The following JPH3 variants were observed in gnomAD, a reference collection of about 807,000 sequenced individuals.
The protein encoded by JPH3 is junctophilin 3.
A neutral mutation model predicts 59.6 loss-of-function variants in JPH3; 11 were observed. The observed-to-expected ratio is 0.18, with a 90% CI of 0.12 to 0.31. The LOEUF is 0.31. Among genes scored for constraint, JPH3 ranks in the 10% least tolerant of loss-of-function variants. The pLI, the probability that JPH3 is intolerant of heterozygous loss-of-function variation, is 1.00. For missense variants in JPH3, 1,202 were observed against 1,105.7 expected (o/e 1.09, Z -1.24); for synonymous variants, 673 against 483.6 (o/e 1.39, Z -5.14).
At chr16:87,602,237 C>CGGAGGG (rs1337236658), upstream of JPH3, 1 of 147,752 alleles carries the variant, frequency 6.8e-6, no homozygotes, top group East Asian at 2.1e-4. Flanking sequence ...ATCCCACTCC[C>CGGAGGG]GGAGGGGGCG....
At chr16:87,656,817 T>G (rs769854057) in intron 2 of JPH3, among the ~76,000 whole-genome samples, 1 of 152,184 alleles carries the variant, frequency 6.6e-6, no homozygotes, top group Non-Finnish European at 1.5e-5. Flanking sequence ...GTGGCAGAAA[T>G]GCATTTTCTC....
intron 1 of JPH3, chr16:87,604,760 T>A: frequency 1.3e-6 from 1 of 789,888 alleles, no homozygotes; most frequent in Non-Finnish European, 1.7e-6. Flanking sequence ...CTTATGCAAC[T>A]GAAAAGCAGG....
chr16:87,684,115 C>A (rs767322782), intron 2 of JPH3, 27 bp from the exon 3 acceptor site: 14 of 1,599,304 alleles, frequency 8.8e-6, no homozygotes, highest in African/African-American at 4.0e-5. Flanking sequence ...CCCTGCCCCC[C>A]CTCACGCTCC....
chr16:87,660,070 C>T (rs554045010), intron 2 of JPH3, among the ~76,000 whole-genome samples: 15 of 152,086 alleles, frequency 9.9e-5, no homozygotes, highest in Middle Eastern at 3.2e-3. Flanking sequence ...CCTGGAAACC[C>T]TGGGAAAGCA....
chr16:87,645,901 A>G (rs143185480), intron 2 of JPH3, among the ~76,000 whole-genome samples: 258 of 152,296 alleles, frequency 1.7e-3, no homozygotes, highest in Middle Eastern at 6.8e-3. Context: ...TTCTAAAGTA[A>G]CTGAGGTTAC....
At chr16:87,690,788 C>T (rs977271344) in intron 4 of JPH3, among the ~76,000 whole-genome samples, 15 of 152,182 alleles carry the variant, frequency 9.9e-5, no homozygotes, top group African/African-American at 3.6e-4. Flanking sequence ...CTCCTGGTTT[C>T]CAGGCAGCAT....
intron 2 of JPH3, among the ~76,000 whole-genome samples, chr16:87,658,879 C>A (rs947910904): frequency 6.6e-6 from 1 of 152,246 alleles, no homozygotes; most frequent in African/African-American, 2.4e-5. Context: ...CCTCTCCAAA[C>A]CCAGCCATCC....
At chr16:87,665,694 G>A (rs981996059) in intron 2 of JPH3, among the ~76,000 whole-genome samples, 2 of 152,222 alleles carry the variant, frequency 1.3e-5, no homozygotes, top group East Asian at 1.9e-4. Flanking sequence ...CAACAACCAC[G>A]GCTCAGCATG....
intron 4 of JPH3, chr16:87,694,147 A>G (rs1308876593): frequency 6.5e-6 from 1 of 152,760 alleles, no homozygotes; most frequent in Non-Finnish European, 1.5e-5. Flanking sequence ...TGTGGGCAGA[A>G]CTGGACCAGG....
intron 1 of JPH3, among the ~76,000 whole-genome samples, chr16:87,643,080 C>T (rs1275761451): frequency 1.2e-4 from 19 of 152,278 alleles, no homozygotes; most frequent in Admixed American, 3.3e-4. Context: ...GCACCCACCG[C>T]GCTTTCTGCA....
At chr16:87,642,128 T>A (rs1190577334) in intron 1 of JPH3, among the ~76,000 whole-genome samples, 1 of 151,024 alleles carries the variant, frequency 6.6e-6, no homozygotes, top group Admixed American at 6.6e-5. Flanking sequence ...TGGCGGGGTG[T>A]GGGGATACCC....
At chr16:87,676,856 C>T (rs927980277) in intron 2 of JPH3, among the ~76,000 whole-genome samples, 5 of 150,624 alleles carry the variant, frequency 3.3e-5, no homozygotes, top group Admixed American at 6.6e-5. Flanking sequence ...ACCAACATGG[C>T]GAAACCCCGT....
chr16:87,694,160 G>A (rs2033704309), intron 4 of JPH3: 1 of 152,728 alleles, frequency 6.5e-6, no homozygotes, highest in Non-Finnish European at 1.5e-5. Flanking sequence ...GGACCAGGAG[G>A]AGGAGGGGCA....
intron 1 of JPH3, among the ~76,000 whole-genome samples, chr16:87,633,764 C>G (rs963109546): frequency 6.6e-6 from 1 of 151,976 alleles, no homozygotes; most frequent in East Asian, 1.9e-4. Flanking sequence ...ACACACTGCA[C>G]TCCAGCCTGG....
chr16:87,683,027 G>T (rs890269827), intron 2 of JPH3, among the ~76,000 whole-genome samples: 1 of 152,270 alleles, frequency 6.6e-6, no homozygotes, highest in Admixed American at 6.5e-5. Flanking sequence ...GACGTGCCCG[G>T]CTGCCCACAG....
intron 1 of JPH3, among the ~76,000 whole-genome samples, chr16:87,610,276 C>T (rs2030683340): frequency 6.6e-6 from 1 of 152,222 alleles, no homozygotes; most frequent in Non-Finnish European, 1.5e-5. Context: ...GGCAACGAAC[C>T]AGTACCAGCC....
At position 87,635,108 on chromosome 16, in the gene JPH3, C is replaced by T. The variant is rs140114618; in HGVS notation, c.383-9150C>T. Among the ~76,000 whole-genome samples, 1,274 of 152,262 alleles carry T rather than the reference C, an allele frequency of 8.4e-3. 8 individuals carry two copies. Among genetic ancestry groups the T allele is most frequent in the Admixed American group, 0.017 (261 of 15,304 alleles). On this transcript the variant is annotated intron_variant, in intron 1 of 4. Coordinates refer to ENST00000284262, the MANE Select transcript of JPH3 (RefSeq NM_020655.4). The stretch of plus-strand genomic sequence containing the variant: ...CCTGCCAGAACTCATGGGTCGGGGC[C>T]GCACATGAGTGAGTGTCTCCTGGGC...
chr16:87,677,437 C>T (rs1348392688), intron 2 of JPH3, among the ~76,000 whole-genome samples: 1 of 152,130 alleles, frequency 6.6e-6, no homozygotes, highest in African/African-American at 2.4e-5. Flanking sequence ...AAAACTCGCC[C>T]ACCAGGTACC....
Position 87,638,677 on chromosome 16 carries a change from C to G in JPH3, c.383-5581C>G, listed in dbSNP as rs115917340. On this transcript the variant is annotated intron_variant, in intron 1 of 4. Transcript: ENST00000284262. The stretch of plus-strand genomic sequence containing the variant: ...GGACCCGGGGTCCCTGCTCTGCTCA[C>G]CTGCTGAGAATGAGCCAGTGTTGGC... Among the ~76,000 whole-genome samples the G allele has an allele frequency of 7.9e-3, 1,196 of 152,222 alleles. 17 individuals carry two copies. Among genetic ancestry groups the G allele is most frequent in the African/African-American group, 0.028 (1,145 of 41,520 alleles).
Sources: gnomAD v4.1 joint callset for allele counts (sites outside exome capture counted in the v4.1 genomes callset) on GRCh38, gnomAD v4.1.1 for gene constraint, MANE v1.5 for transcripts, NCBI Gene and HGNC (gene_info 2026-07-23, HGNC 2026-07-21) for gene names.